Variants in MAGI2 observed in about 807,000 individuals in gnomAD.
The protein encoded by MAGI2 is membrane associated guanylate kinase, WW and PDZ domain containing 2.
In MAGI2, 35 loss-of-function variants were observed where a neutral mutation model predicts 133.3. The ratio of observed to expected loss-of-function variants is 0.26; its 90% CI spans 0.20 to 0.35. MAGI2 has a LOEUF of 0.35. Among genes scored for constraint, MAGI2 ranks in the 10% least tolerant of loss-of-function variants. The pLI is 1.00. For synonymous variants in MAGI2, 729 were observed against 710.6 expected (o/e 1.03, Z -0.41); for missense variants, 1,636 against 1,863.4 (o/e 0.88, Z 2.25).
In MAGI2 at chr7:79,367,875, A is replaced by ATATG. The variant is rs1342246318; in HGVS notation, c.301+85144_301+85145insCATA. On this transcript the variant is annotated intron_variant, in intron 1 of 21. Coordinates refer to ENST00000354212, the MANE Select transcript of MAGI2 (RefSeq NM_012301.4). ...ATATGTGACATATATATATATATAT[A>ATATG]TGTCATTGACTGGTCAGTCTTCTTC... 2.5e-4 allele frequency among the ~76,000 whole-genome samples: 30 copies of ATATG among 122,128 alleles called. 5 individuals carry two copies. The East Asian group carries it at 5.5e-3, about 22-fold the overall frequency. The allele number at this position is 122,128 out of a possible 152,430, so 80.1% of individuals were successfully genotyped here.
chr7:79,179,282 C>A (rs1167136635), intron 1 of MAGI2, among the ~76,000 whole-genome samples: 1 of 151,934 alleles, frequency 6.6e-6, no homozygotes, highest in Non-Finnish European at 1.5e-5. Context: ...ATAAACAATT[C>A]TATATACTCT....
At chr7:79,351,880 T>C (rs1841717747) in intron 1 of MAGI2, 1 of 152,224 alleles carries the variant, frequency 6.6e-6, no homozygotes, top group African/African-American at 2.4e-5. Context: ...ACTATTTCAC[T>C]GCTCCAGTGA....
At chr7:78,414,629 C>T (rs1367569959) in intron 6 of MAGI2, among the ~76,000 whole-genome samples, 1 of 151,920 alleles carries the variant, frequency 6.6e-6, no homozygotes, top group East Asian at 1.9e-4. Context: ...TGTACACATA[C>T]ATGAGCGTGC....
chr7:78,455,407 T>C (rs969938804), intron 6 of MAGI2, among the ~76,000 whole-genome samples: 4 of 152,142 alleles, frequency 2.6e-5, no homozygotes, highest in African/African-American at 7.2e-5. Flanking sequence ...TCATCTACAA[T>C]TGTAATAAAC....
intron 2 of MAGI2, among the ~76,000 whole-genome samples, chr7:78,990,901 T>TACACACAC (rs768501719): frequency 2.6e-5 from 2 of 77,686 alleles, no homozygotes; most frequent in African/African-American, 5.2e-5. Context: ...ATTTTATATG[T>TACACACAC]ACATACACAC....
rs1006619722 is a variant in MAGI2 at position 79,132,309 on chromosome 7, C to G, written c.302-125103G>C. Among the ~76,000 whole-genome samples the G allele has an allele frequency of 2.6e-5, 4 of 152,208 alleles. No homozygotes were observed. In the East Asian group the frequency reaches 7.7e-4, roughly 29 times the overall value. On this transcript the variant is annotated intron_variant, in intron 1 of 21. Transcript: ENST00000354212. ...TCCTAGTCCTCCTCCCACTCTCCCC[C>G]TTCTGAGTCCTTAAAGTCCATTATA... is the stretch of plus-strand genomic sequence containing the variant.
chr7:78,456,113 C>T (rs1789295220), intron 6 of MAGI2, among the ~76,000 whole-genome samples: 1 of 151,790 alleles, frequency 6.6e-6, no homozygotes, highest in African/African-American at 2.4e-5. Flanking sequence ...AGACAATGTC[C>T]ATTCAAGGAG....
At chr7:78,408,468 C>T (rs756871405) in intron 6 of MAGI2, among the ~76,000 whole-genome samples, 2 of 151,988 alleles carry the variant, frequency 1.3e-5, no homozygotes, top group Non-Finnish European at 2.9e-5. Flanking sequence ...CTTTGATACC[C>T]AGTACCTGAG....
intron 2 of MAGI2, among the ~76,000 whole-genome samples, chr7:78,839,150 A>C (rs955083992): frequency 6.6e-6 from 1 of 151,940 alleles, no homozygotes; most frequent in African/African-American, 2.4e-5. Flanking sequence ...AAAGAGAGTA[A>C]AGGTAGAGAC....
intron 3 of MAGI2, among the ~76,000 whole-genome samples, chr7:78,607,228 C>T (rs1214360704): frequency 1.3e-5 from 2 of 152,118 alleles, no homozygotes; most frequent in Non-Finnish European, 2.9e-5. Flanking sequence ...AAACATCACT[C>T]TGATTTCTGG....
At chr7:78,482,352 A>G (rs1792482815) in intron 6 of MAGI2, among the ~76,000 whole-genome samples, 1 of 151,918 alleles carries the variant, frequency 6.6e-6, no homozygotes, top group Non-Finnish European at 1.5e-5. Flanking sequence ...AGTTTGTCCT[A>G]AAACTGAAAC....
At chr7:78,270,387 C>T (rs1316607024) in intron 9 of MAGI2, among the ~76,000 whole-genome samples, 3 of 152,124 alleles carry the variant, frequency 2.0e-5, no homozygotes, top group Admixed American at 2.0e-4. Context: ...ATTGATTCTT[C>T]CTATCCATGA....
chr7:78,834,353 C>T (rs1372649775), intron 2 of MAGI2, among the ~76,000 whole-genome samples: 2 of 152,268 alleles, frequency 1.3e-5, no homozygotes, highest in South Asian at 2.1e-4. Flanking sequence ...CCTTCTCTCT[C>T]CAATCCCGCA....
At chr7:78,931,980 T>A (rs1800157832) in intron 2 of MAGI2, among the ~76,000 whole-genome samples, 1 of 146,584 alleles carries the variant, frequency 6.8e-6, no homozygotes, top group Non-Finnish European at 1.5e-5. Context: ...CTGTGATGGG[T>A]CATAGTCAAA....
intron 21 of MAGI2, among the ~76,000 whole-genome samples, chr7:78,059,777 A>ATTTTTTTTT (rs10692094): frequency 5.5e-4 from 81 of 146,140 alleles, no homozygotes; most frequent in African/African-American, 1.9e-3. Flanking sequence ...ATATATATAT[A>ATTTTTTTTT]TTTTTTTTCT....
At chr7:78,397,851 T>TA (rs1368377403) in intron 6 of MAGI2, among the ~76,000 whole-genome samples, 1 of 152,104 alleles carries the variant, frequency 6.6e-6, no homozygotes, top group East Asian at 1.9e-4. Context: ...TAAGAAGCCT[T>TA]AAAAAAATAA....
intron 2 of MAGI2, among the ~76,000 whole-genome samples, chr7:78,802,104 C>G (rs552582095): frequency 1.3e-5 from 2 of 152,310 alleles, no homozygotes; most frequent in East Asian, 1.9e-4. Context: ...CTCTGGAACG[C>G]TCTTTTCTGT....
intron 1 of MAGI2, chr7:79,125,296 G>C (rs1178662457): frequency 8.7e-6 from 4 of 460,710 alleles, no homozygotes; most frequent in Non-Finnish European, 1.7e-5. Flanking sequence ...GAGATGGCTA[G>C]TGCTTCATCT....
intron 20 of MAGI2, among the ~76,000 whole-genome samples, chr7:78,104,285 C>T (rs1233663858): frequency 2.0e-5 from 3 of 152,042 alleles, no homozygotes; most frequent in Non-Finnish European, 4.4e-5. Context: ...TGCAGTGGCT[C>T]GATGTCGGCT....
Sources: gnomAD v4.1 joint callset for allele counts (sites outside exome capture counted in the v4.1 genomes callset) on GRCh38, gnomAD v4.1.1 for gene constraint, MANE v1.5 for transcripts, NCBI Gene and HGNC (gene_info 2026-07-23, HGNC 2026-07-21) for gene names.